BTBD1: variants seen among roughly 807,000 people sequenced by gnomAD.
The protein encoded by BTBD1 is BTB domain containing 1.
In BTBD1, 34 loss-of-function variants were observed where a neutral mutation model predicts 48.0. The observed-to-expected ratio is 0.71, with a 90% CI of 0.54 to 0.94. BTBD1 has a LOEUF of 0.94. BTBD1 is among the 40% of genes least tolerant of loss of function. The pLI, the probability that BTBD1 is intolerant of heterozygous loss-of-function variation, is 0.00. For missense variants in BTBD1, 543 were observed against 625.6 expected (o/e 0.87, Z 1.41); for synonymous variants, 261 against 242.1 (o/e 1.08, Z -0.72).
chr15:83,020,588 T>A, intron 6 of BTBD1, 87 bp downstream of exon 6: 1 of 883,450 alleles, frequency 1.1e-6, no homozygotes, highest in Non-Finnish European at 1.8e-6. Context: ...ACAATTATAT[T>A]GAAATTTGGA....
Position 83,018,779 on chromosome 15 carries a change from T to C in BTBD1, c.1218A>G (p.Thr406=). The C allele has an allele frequency of 6.2e-7, 1 of 1,614,190 alleles. No homozygotes were observed. The highest frequency in any genetic ancestry group is 8.5e-7 in the Non-Finnish European group (1 of 1,179,996). The change falls in exon 7 of 8, where the codon ACA becomes ACG. Residue 406 remains threonine (T), a synonymous_variant. Coordinates refer to ENST00000261721, the MANE Select transcript of BTBD1 (RefSeq NM_025238.4). ...TGGGTTCCTTGAACATGACCCTGAA[T>C]GTGTTAGCTGTCCCATCACAACTAA... ...TGFSCDGTAN[T]FRVMFKEPIE...
intron 3 of BTBD1, among the ~76,000 whole-genome samples, chr15:83,046,926 T>C (rs1446489237): frequency 1.3e-5 from 2 of 152,092 alleles, no homozygotes; most frequent in Non-Finnish European, 2.9e-5. Context: ...TCCCAAAAAA[T>C]GAGTCATATG....
intron 3 of BTBD1, 56 bp downstream of exon 3, chr15:83,050,017 C>A: frequency 9.6e-7 from 1 of 1,041,224 alleles, no homozygotes; most frequent in Non-Finnish European, 1.5e-6. Flanking sequence ...ACAAGGCTGA[C>A]AAGTAAGGCA....
rs2032190424 is a variant in BTBD1 at position 83,017,338 on chromosome 15, G to A, written c.*729C>T. 6.6e-6 allele frequency: 1 copy of A among 152,630 alleles called. No individual in the cohort carries two copies. The highest frequency in any genetic ancestry group is 6.5e-5 in the Admixed American group (1 of 15,268). The allele number at this position is 152,630 out of a possible 1,614,324, so 9.5% of individuals were successfully genotyped here. On this transcript the variant is annotated 3_prime_UTR_variant, in exon 8 of 8. Transcript: ENST00000261721. ...TCCCCCACACAGAGAGACAGGTATA[G>A]TGGTGCAGTTTAGTGACAGGGAATC...
At chr15:83,046,882 T>A (rs1180865041) in intron 3 of BTBD1, among the ~76,000 whole-genome samples, 1 of 152,152 alleles carries the variant, frequency 6.6e-6, no homozygotes, top group African/African-American at 2.4e-5. Context: ...CAGAGGAATA[T>A]AACAAGTATC....
At chr15:83,033,818 T>G (rs1596430329) in intron 4 of BTBD1, among the ~76,000 whole-genome samples, 1 of 151,948 alleles carries the variant, frequency 6.6e-6, no homozygotes, top group Non-Finnish European at 1.5e-5. Context: ...ACTCAAACAA[T>G]CTACCTGCCT....
rs554745258 is a variant in BTBD1, at chr15:83,044,500, T to G, written c.665-2575A>C. On this transcript the variant is annotated intron_variant, in intron 3 of 7. Coordinates refer to ENST00000261721, the MANE Select transcript of BTBD1 (RefSeq NM_025238.4). ...GCAATGGCCAAGCCAGATTGTATCA[T>G]CACTTGTGATGGCAAAAACCTCACC... 2.5e-5 allele frequency: 40 copies of G among 1,579,942 alleles called. No individual in the cohort carries two copies. The African/African-American group carries it at 3.6e-4, about 14-fold the overall frequency.
chr15:83,056,180 C>G (rs1691312524), intron 2 of BTBD1, among the ~76,000 whole-genome samples: 1 of 152,184 alleles, frequency 6.6e-6, no homozygotes, highest in African/African-American at 2.4e-5. Context: ...CTTGGAATTA[C>G]AGGCGTGAAC....
chr15:83,032,756 A>G (rs1397039251), intron 4 of BTBD1, among the ~76,000 whole-genome samples: 1 of 152,044 alleles, frequency 6.6e-6, no homozygotes, highest in East Asian at 1.9e-4. Context: ...GGTGAGCGAT[A>G]AAAGCCTACA....
chr15:83,038,651 T>C (rs2032677233), intron 4 of BTBD1, among the ~76,000 whole-genome samples: 1 of 152,082 alleles, frequency 6.6e-6, no homozygotes, highest in Non-Finnish European at 1.5e-5. Flanking sequence ...TTTCAAACTA[T>C]ACTATAAGGC....
chr15:83,053,862 A>C (rs2033036020), intron 2 of BTBD1, among the ~76,000 whole-genome samples: 1 of 152,256 alleles, frequency 6.6e-6, no homozygotes, highest in Non-Finnish European at 1.5e-5. Context: ...GAATTAATGT[A>C]CACAAAGTGC....
chr15:83,020,928 T>C, intron 5 of BTBD1, 166 bp from the exon 6 acceptor site: 1 of 509,922 alleles, frequency 2.0e-6, no homozygotes, highest in Non-Finnish European at 3.4e-6. Context: ...CCAAAAAGCT[T>C]TCTAGAGCAG....
intron 2 of BTBD1, among the ~76,000 whole-genome samples, chr15:83,054,428 G>A (rs937542584): frequency 6.6e-6 from 1 of 152,126 alleles, no homozygotes; most frequent in Non-Finnish European, 1.5e-5. Context: ...ATATGTAAAG[G>A]GGATAGCTTG....
chr15:83,030,204 T>C lies in BTBD1; in HGVS notation c.987A>G (p.Glu329=). The C allele has an allele frequency of 6.2e-7, 1 of 1,614,106 alleles. No individual in the cohort carries two copies. The highest frequency in any genetic ancestry group is 8.5e-7 in the Non-Finnish European group (1 of 1,180,014). ...CTTGCTGGAATCTATTGATGCAGCATTCCTTTCCCCTGAGACAGCATCTTG... is the reference window on the plus strand; with the variant it reads ...CTTGCTGGAATCTATTGATGCAGCACTCCTTTCCCCTGAGACAGCATCTTG... ...DRPRCCLRGK[E]CCINRFQQVE... is the part of the protein sequence containing the mutation. The change falls in exon 5 of 8, where the codon GAA becomes GAG. Residue 329 remains glutamate (E), a synonymous_variant. Coordinates refer to ENST00000261721, the MANE Select transcript of BTBD1 (RefSeq NM_025238.4).
intron 5 of BTBD1, among the ~76,000 whole-genome samples, chr15:83,022,766 A>AT (rs1239966258): frequency 1.3e-5 from 2 of 152,130 alleles, no homozygotes; most frequent in African/African-American, 4.8e-5. Flanking sequence ...GATCGAGACC[A>AT]TTCTGGCCAA....
At position 83,044,463 on chromosome 15, in the gene BTBD1, C is replaced by T. The variant is rs559000921; in HGVS notation, c.665-2538G>A. The T allele has an allele frequency of 8.7e-5, 138 of 1,577,334 alleles. 1 individual carries two copies. The Admixed American group carries it at 1.1e-3, about 13-fold the overall frequency. On this transcript the variant is annotated intron_variant, in intron 3 of 7. Transcript: ENST00000261721. ...AGGAGGAGGAGTGGGAACTGCTTTG[C>T]GAAAAATGGACGCAATGGCCAAGCC...
intron 1 of BTBD1, among the ~76,000 whole-genome samples, chr15:83,063,688 G>C (rs1372608759): frequency 6.6e-6 from 1 of 152,000 alleles, no homozygotes; most frequent in Admixed American, 6.6e-5. Context: ...AAAAGTCTTC[G>C]CTCAGTCTCT....
At chr15:83,030,493 C>A in intron 4 of BTBD1, 165 bp from the exon 5 acceptor site, 1 of 607,240 alleles carries the variant, frequency 1.6e-6, no homozygotes, top group Non-Finnish European at 2.9e-6. Context: ...TCAATAAATC[C>A]ATTTGAGGTT....
chr15:83,021,023 T>C (rs2032283767), intron 5 of BTBD1, among the ~76,000 whole-genome samples: 1 of 149,748 alleles, frequency 6.7e-6, no homozygotes, highest in South Asian at 2.1e-4. Flanking sequence ...ATAATTTTAG[T>C]GCTATACGAG....
Sources: gnomAD v4.1 joint callset for allele counts (sites outside exome capture counted in the v4.1 genomes callset) on GRCh38, gnomAD v4.1.1 for gene constraint, MANE v1.5 for transcripts, NCBI Gene and HGNC (gene_info 2026-07-23, HGNC 2026-07-21) for gene names.